Variants in OR2L13 observed in about 807,000 individuals in gnomAD.
OR2L13 encodes olfactory receptor 2L13.
In OR2L13, 14 loss-of-function variants were observed where a neutral mutation model predicts 15.3. The observed-to-expected ratio is 0.91, with a 90% confidence interval of 0.60 to 1.43. The LOEUF (loss-of-function observed/expected upper bound fraction) is 1.43. Among genes scored for constraint, OR2L13 ranks in the 40% most tolerant of loss-of-function variants. The probability of loss-of-function intolerance (pLI) is 0.00; values close to 1 mark genes in which losing one functional copy is unlikely to be tolerated. For missense variants in OR2L13, 367 were observed against 387.9 expected, an observed-to-expected ratio of 0.95 and a Z score of 0.45; for synonymous variants, 152 against 142.9, an observed-to-expected ratio of 1.06 and a Z score of -0.45.
the OR2L13 span, among the ~76,000 whole-genome samples, chr1:247,945,542 T>C: frequency 6.6e-6 from 1 of 152,122 alleles, no homozygotes; most frequent in Non-Finnish European, 1.5e-5. Flanking sequence ...TGAGTTCAAG[T>C]CCTGAATATC....
chr1:248,022,201 TG>T, the OR2L13 span: 1 of 1,614,158 alleles, frequency 6.2e-7, no homozygotes, highest in Non-Finnish European at 8.5e-7. Flanking sequence ...TCTGATTTTC[TG>T]TATGGAAACA....
chr1:248,080,204 ATC>A, the OR2L13 span, among the ~76,000 whole-genome samples: 3 of 152,210 alleles, frequency 2.0e-5, no homozygotes, highest in African/African-American at 7.2e-5. Context: ...TATTAAATAA[ATC>A]TGTATTAATG....
At chr1:248,084,610 G>A in the OR2L13 span, 1 of 1,587,698 alleles carries the variant, frequency 6.3e-7, no homozygotes. Flanking sequence ...TTCCCCTGGT[G>A]TGATGGTGCA....
chr1:248,070,193 C>T, the OR2L13 span, among the ~76,000 whole-genome samples: 12 of 152,274 alleles, frequency 7.9e-5, no homozygotes, highest in East Asian at 5.8e-4. Context: ...CACCACAACA[C>T]GCCTATTCCA....
chr1:247,959,039 G>A, the OR2L13 span, among the ~76,000 whole-genome samples: 1 of 152,112 alleles, frequency 6.6e-6, no homozygotes, highest in South Asian at 2.1e-4. Flanking sequence ...TCCTAGCCTC[G>A]ATGGTCTTTA....
At chr1:248,068,732 T>C in the OR2L13 span, among the ~76,000 whole-genome samples, 1 of 151,690 alleles carries the variant, frequency 6.6e-6, no homozygotes, top group South Asian at 2.1e-4. Context: ...TTGAAAAAAA[T>C]GTAGATGAAA....
the OR2L13 span, among the ~76,000 whole-genome samples, chr1:248,017,795 A>G: frequency 0.31 from 47,338 of 151,986 alleles, 12,090 homozygotes; most frequent in African/African-American, 0.71. Flanking sequence ...TTGCTTCGTG[A>G]TTCCGTCTCT....
the OR2L13 span, among the ~76,000 whole-genome samples, chr1:248,011,039 C>T: frequency 6.6e-6 from 1 of 152,030 alleles, no homozygotes; most frequent in Non-Finnish European, 1.5e-5. Context: ...GCAGTTTCTT[C>T]ATAGTGTCGA....
chr1:247,996,070 A>G, the OR2L13 span, among the ~76,000 whole-genome samples: 55 of 152,322 alleles, frequency 3.6e-4, no homozygotes, highest in South Asian at 0.011. Context: ...CATCTCCAGA[A>G]GGCTGATTTG....
the OR2L13 span, chr1:247,949,569 T>A: frequency 1.9e-6 from 3 of 1,613,606 alleles, no homozygotes; most frequent in African/African-American, 1.3e-5. Context: ...GAAAGCCTAT[T>A]TGACCTGCAG....
chr1:248,028,169 A>AAAAAAAAC, the OR2L13 span, among the ~76,000 whole-genome samples: 1 of 146,332 alleles, frequency 6.8e-6, no homozygotes, highest in African/African-American at 2.5e-5. Context: ...AAAAAAAAAA[A>AAAAAAAAC]TCATGTCCAA....
the OR2L13 span, among the ~76,000 whole-genome samples, chr1:248,005,720 T>C: frequency 6.6e-6 from 1 of 152,190 alleles, no homozygotes; most frequent in African/African-American, 2.4e-5. Context: ...TACCAGTGTT[T>C]TGTACAAATC....
the OR2L13 span, among the ~76,000 whole-genome samples, chr1:248,021,735 T>C: frequency 6.6e-6 from 1 of 152,336 alleles, no homozygotes; most frequent in South Asian, 2.1e-4. Context: ...TATTTGCAGC[T>C]ATTTTTGTTA....
the OR2L13 span, chr1:248,084,582 A>G: frequency 6.2e-7 from 1 of 1,606,528 alleles, no homozygotes; most frequent in Admixed American, 1.7e-5. Context: ...CTGGGGTAGT[A>G]TTTCTCATCT....
chr1:247,965,534 C>T, the OR2L13 span: 7 of 1,612,840 alleles, frequency 4.3e-6, no homozygotes, highest in Admixed American at 1.0e-4. Flanking sequence ...CGACTGAACA[C>T]CAGACTCCAC....
At chr1:248,018,964 A>G in the OR2L13 span, among the ~76,000 whole-genome samples, 1 of 152,112 alleles carries the variant, frequency 6.6e-6, no homozygotes, top group South Asian at 2.1e-4. Context: ...ATGTTGTAGC[A>G]TGTGTCACAA....
chr1:248,021,748 T>C, the OR2L13 span, among the ~76,000 whole-genome samples: 8,157 of 152,250 alleles, frequency 0.054, 687 homozygotes, highest in African/African-American at 0.18. Flanking sequence ...TTTTGTTAAT[T>C]TCTTCCTTGT....
the OR2L13 span, among the ~76,000 whole-genome samples, chr1:248,082,713 G>A: frequency 2.0e-5 from 3 of 152,010 alleles, no homozygotes; most frequent in Non-Finnish European, 4.4e-5. Context: ...ACCTTTAGAA[G>A]GTGTCCCAAA....
the OR2L13 span, among the ~76,000 whole-genome samples, chr1:248,081,374 A>C: frequency 1.3e-5 from 2 of 152,122 alleles, no homozygotes; most frequent in Non-Finnish European, 2.9e-5. Context: ...CTTGGAGATA[A>C]AGTTCATTCC....
Sources: gnomAD v4.1 joint callset for allele counts (sites outside exome capture counted in the v4.1 genomes callset) on GRCh38, gnomAD v4.1.1 for gene constraint, MANE v1.5 for transcripts, NCBI Gene and HGNC (gene_info 2026-07-23, HGNC 2026-07-21) for gene names.